The following C16orf96 variants were observed in gnomAD, a reference collection of about 807,000 sequenced individuals.
The protein encoded by C16orf96 is chromosome 16 open reading frame 96.
A neutral mutation model predicts 103.6 loss-of-function variants in C16orf96; 108 were observed. The observed-to-expected ratio is 1.04, with a 90% CI of 0.89 to 1.22. The LOEUF (loss-of-function observed/expected upper bound fraction) is 1.22. C16orf96 is among the 50% of genes most tolerant of loss of function. C16orf96 has a pLI of 0.00. For missense variants in C16orf96, 1,586 were observed against 1,464.2 expected (o/e 1.08, Z -1.36); for synonymous variants, 566 against 593.5 (o/e 0.95, Z 0.67).
the C16orf96 span, among the ~76,000 whole-genome samples, chr16:4,544,590 C>A: frequency 6.6e-6 from 1 of 152,204 alleles, no homozygotes; most frequent in Non-Finnish European, 1.5e-5. Flanking sequence ...GCCTGGGTGA[C>A]AGAGCCTGAC....
In C16orf96 at chr16:4,569,921, T is replaced by G. The variant is rs558164598; in HGVS notation, c.421-1640T>G. 5.3e-5 allele frequency among the ~76,000 whole-genome samples: 8 copies of G among 152,202 alleles called. No homozygotes were observed. In the South Asian group the frequency reaches 1.7e-3, roughly 32 times the overall value. ...GTTGAAAGCGTGCCCATGGCCACTT[T>G]TACAACTTACTTCTTCCCAGGAAGG... On this transcript the variant is annotated intron_variant, in intron 1 of 15. Coordinates refer to ENST00000444310, the MANE Select transcript of C16orf96 (RefSeq NM_001145011.2).
chr16:4,583,086 A>C (rs963108457), intron 7 of C16orf96, among the ~76,000 whole-genome samples: 28 of 152,022 alleles, frequency 1.8e-4, no homozygotes, highest in African/African-American at 6.8e-4. Context: ...AAACACAAAA[A>C]AATCAGCTGG....
rs996781554 is a variant in C16orf96 at position 4,556,566 on chromosome 16, T to C, written c.77T>C (p.Leu26Pro). Reference protein sequence around the residue: ...PQCGVLNFKALHLLLHGILEH... With the variant: ...PQCGVLNFKAPHLLLHGILEH... Reference sequence around the variant, plus strand: ...TGCGGGGTGCTGAACTTCAAGGCCCTGCACCTCCTGCTGCACGGCATCTTG... The same window carrying C: ...TGCGGGGTGCTGAACTTCAAGGCCCCGCACCTCCTGCTGCACGGCATCTTG... The change falls in exon 1 of 16, where the codon CTG becomes CCG. Residue 26 changes from leucine to proline, a missense_variant. Coordinates refer to ENST00000444310, the MANE Select transcript of C16orf96 (RefSeq NM_001145011.2). 19 of 1,551,524 alleles carry C rather than the reference T, an allele frequency of 1.2e-5. No individual in the cohort carries two copies. The highest frequency in any genetic ancestry group is 1.5e-5 in the Non-Finnish European group (17 of 1,147,002).
chr16:4,542,139 A>C, the C16orf96 span, among the ~76,000 whole-genome samples: 1 of 152,214 alleles, frequency 6.6e-6, no homozygotes, highest in Admixed American at 6.5e-5. Flanking sequence ...TGGGAGATTG[A>C]GTTCAAGAGT....
intron 6 of C16orf96, 24 bp from the exon 7 acceptor site, chr16:4,579,991 G>A (rs576301328): frequency 1.6e-5 from 25 of 1,537,048 alleles, no homozygotes; most frequent in Non-Finnish European, 2.1e-5. Context: ...AGAGGCCTGG[G>A]GTGTCTGTGT....
chr16:4,566,125 C>T (rs925497279), intron 1 of C16orf96, among the ~76,000 whole-genome samples: 4 of 152,200 alleles, frequency 2.6e-5, no homozygotes, highest in East Asian at 3.8e-4. Flanking sequence ...GGATTACAGA[C>T]GTGAGCTACC....
At chr16:4,590,776 T>C (rs1240483829) in intron 9 of C16orf96, among the ~76,000 whole-genome samples, 1 of 150,956 alleles carries the variant, frequency 6.6e-6, no homozygotes, top group African/African-American at 2.4e-5. Context: ...CCCAGCACTT[T>C]GGGAGGCTGA....
At chr16:4,598,706 C>T (rs1372285380) in intron 14 of C16orf96, among the ~76,000 whole-genome samples, 2 of 152,222 alleles carry the variant, frequency 1.3e-5, no homozygotes, top group Non-Finnish European at 2.9e-5. Flanking sequence ...ATAAATAGCC[C>T]TGCCAGCATT....
At chr16:4,571,307 G>A (rs960533217) in intron 1 of C16orf96, among the ~76,000 whole-genome samples, 3 of 152,172 alleles carry the variant, frequency 2.0e-5, no homozygotes, top group African/African-American at 7.2e-5. Flanking sequence ...GGCGTGAGAT[G>A]CTTCATGACG....
the C16orf96 span, among the ~76,000 whole-genome samples, chr16:4,542,011 C>A: frequency 6.6e-6 from 1 of 152,168 alleles, no homozygotes; most frequent in African/African-American, 2.4e-5. Flanking sequence ...CATCTGACTA[C>A]AGTGTGGAGA....
intron 1 of C16orf96, among the ~76,000 whole-genome samples, chr16:4,569,681 C>T (rs1197581704): frequency 1.5e-5 from 2 of 137,122 alleles, no homozygotes; most frequent in Non-Finnish European, 1.6e-5. Flanking sequence ...GCCTAGGTGA[C>T]AGAGTGAGAC....
intron 1 of C16orf96, among the ~76,000 whole-genome samples, chr16:4,558,048 C>T (rs763536900): frequency 1.3e-5 from 2 of 152,178 alleles, no homozygotes; most frequent in Non-Finnish European, 2.9e-5. Context: ...CAGGCACGCC[C>T]GGCCTAGCAG....
chr16:4,571,797 C>T (rs976235643), intron 2 of C16orf96, 132 bp downstream of exon 2: 1 of 713,702 alleles, frequency 1.4e-6, no homozygotes, highest in Non-Finnish European at 2.3e-6. Context: ...CATGTGGACC[C>T]TCCAATTGGC....
intron 7 of C16orf96, among the ~76,000 whole-genome samples, chr16:4,584,432 C>G (rs974127862): frequency 6.8e-6 from 1 of 146,014 alleles, no homozygotes; most frequent in African/African-American, 2.6e-5. Context: ...ATTGTAACCT[C>G]CGCCTCCCGG....
At chr16:4,578,890 C>T (rs1340939977) in intron 5 of C16orf96, 50 bp from the exon 6 acceptor site, 5 of 1,432,126 alleles carry the variant, frequency 3.5e-6, no homozygotes, top group Non-Finnish European at 3.8e-6. Context: ...CCAACAGAAA[C>T]ATCTTCCTCC....
At chr16:4,554,183 C>G (rs915855931), upstream of C16orf96, among the ~76,000 whole-genome samples, 2 of 152,120 alleles carry the variant, frequency 1.3e-5, no homozygotes, top group Non-Finnish European at 2.9e-5. Context: ...TGGCTCTTGG[C>G]CATGTCCTTA....
chr16:4,580,270 G>T, intron 7 of C16orf96, 145 bp downstream of exon 7: 1 of 523,062 alleles, frequency 1.9e-6, no homozygotes, highest in Non-Finnish European at 3.3e-6. Context: ...ATTTTACTGT[G>T]TGTAAATTAC....
Position 4,593,420 on chromosome 16 carries a change from C to G in C16orf96, c.2867+104C>G. 2 of 1,146,940 alleles carry G rather than the reference C, an allele frequency of 1.7e-6. No individual in the cohort carries two copies. The highest frequency in any genetic ancestry group is 2.6e-5 in the East Asian group (1 of 38,386). The allele number at this position is 1,146,940 out of a possible 1,614,324, so 71.0% of individuals were successfully genotyped here. ...AGACACATCCTCCAGGCCCAGGGACCTAAGATTGTCCTGGACATGGCCAGC... is the reference window on the plus strand; with the variant it reads ...AGACACATCCTCCAGGCCCAGGGACGTAAGATTGTCCTGGACATGGCCAGC... On this transcript the variant is annotated intron_variant, in intron 12 of 15. Coordinates refer to ENST00000444310, the MANE Select transcript of C16orf96 (RefSeq NM_001145011.2). The surrounding 1 kb of genome is among the most constrained non-coding windows in gnomAD (Gnocchi z 4.2).
chr16:4,594,907 C>A, intron 14 of C16orf96, 104 bp downstream of exon 14: 4 of 1,224,308 alleles, frequency 3.3e-6, no homozygotes, highest in African/African-American at 1.5e-5. Flanking sequence ...CTATCCCTGA[C>A]CGGGGAGTCC....
Sources: allele counts gnomAD v4.1 joint callset (sites outside exome capture counted in the v4.1 genomes callset), GRCh38; gene constraint gnomAD v4.1.1; non-coding constraint Gnocchi (gnomAD v3.1); transcripts MANE v1.5; gene names NCBI Gene and HGNC (gene_info 2026-07-23, HGNC 2026-07-21).